Variants in HPCAL1 observed in about 807,000 individuals in gnomAD.
HPCAL1 encodes hippocalcin like 1.
HPCAL1 carries 8 observed loss-of-function variants against 17.1 expected under a neutral mutation model. The observed-to-expected ratio is 0.47, with a 90% CI of 0.27 to 0.84. HPCAL1 has a LOEUF of 0.84. Ranked by LOEUF, HPCAL1 falls within the 40% of genes least tolerant of loss-of-function variation. HPCAL1 has a pLI of 0.13. For missense variants in HPCAL1, 165 were observed against 271.1 expected (o/e 0.61, Z 2.75); for synonymous variants, 112 against 111.4 (o/e 1.01, Z -0.03).
At chr2:10,328,841 A>G (rs540589825) in intron 1 of HPCAL1, among the ~76,000 whole-genome samples, 1 of 152,196 alleles carries the variant, frequency 6.6e-6, no homozygotes, top group East Asian at 1.9e-4. Flanking sequence ...TTTGTTCGAC[A>G]TGTGGGGGGT....
At chr2:10,355,792 A>G (rs904173584) in intron 1 of HPCAL1, among the ~76,000 whole-genome samples, 1 of 151,772 alleles carries the variant, frequency 6.6e-6, no homozygotes, top group African/African-American at 2.4e-5. Context: ...TCCTAAATAG[A>G]TACAGAGTAG....
intron 1 of HPCAL1, among the ~76,000 whole-genome samples, chr2:10,312,563 C>T (rs1430577390): frequency 1.3e-5 from 2 of 151,256 alleles, no homozygotes; most frequent in Non-Finnish European, 2.9e-5. Flanking sequence ...TCACTGTCAT[C>T]CCCATCCTCA....
rs917380897 is a variant in HPCAL1 at position 10,427,145 on chromosome 2, C to G, written c.*324C>G. The stretch of plus-strand genomic sequence containing the variant: ...ATGCCGAGGAGACCAGGCAGGACCT[C>G]CCGAGGCTGCGCCCCGGCCGGCCCA... On this transcript the variant is annotated 3_prime_UTR_variant, in exon 5 of 5. Transcript: ENST00000307845. The G allele has an allele frequency of 3.4e-6, 1 of 296,162 alleles. No homozygotes were observed. Among genetic ancestry groups the G allele is most frequent in the East Asian group, 8.0e-5 (1 of 12,478 alleles). The allele number at this position is 296,162 out of a possible 1,614,324, so 18.3% of individuals were successfully genotyped here.
At chr2:10,311,616 G>A (rs185406813) in intron 1 of HPCAL1, among the ~76,000 whole-genome samples, 1 of 152,058 alleles carries the variant, frequency 6.6e-6, no homozygotes, top group African/African-American at 2.4e-5. Flanking sequence ...GGATGGGAGT[G>A]GGGGGAGAAG....
chr2:10,333,497 G>A (rs766356265), intron 1 of HPCAL1, among the ~76,000 whole-genome samples: 1 of 152,154 alleles, frequency 6.6e-6, no homozygotes, highest in African/African-American at 2.4e-5. Flanking sequence ...GCCTAAGCCA[G>A]CCTCCTGTGG....
At chr2:10,332,965 G>T (rs1241575024) in intron 1 of HPCAL1, among the ~76,000 whole-genome samples, 15 of 151,238 alleles carry the variant, frequency 9.9e-5, no homozygotes, top group Non-Finnish European at 1.0e-4. Context: ...TGATCTTGGG[G>T]TGAGGGGTGC....
chr2:10,426,418 C>T (rs1671410838), intron 4 of HPCAL1: 1 of 362,014 alleles, frequency 2.8e-6, no homozygotes, highest in Non-Finnish European at 5.3e-6. Context: ...GTACACGTTC[C>T]TTAATAAGCG....
intron 1 of HPCAL1, among the ~76,000 whole-genome samples, chr2:10,375,460 CA>C (rs1558497745): frequency 6.6e-6 from 1 of 152,038 alleles, no homozygotes; most frequent in South Asian, 2.1e-4. Flanking sequence ...GGAGGGGGGC[CA>C]GGGGGCATAG....
At chr2:10,357,043 G>A (rs1272347883) in intron 1 of HPCAL1, among the ~76,000 whole-genome samples, 2 of 152,118 alleles carry the variant, frequency 1.3e-5, no homozygotes, top group Non-Finnish European at 2.9e-5. Flanking sequence ...AGCCCAGGAG[G>A]TTGAGGCTGC....
At chr2:10,372,283 G>A (rs922618860) in intron 1 of HPCAL1, among the ~76,000 whole-genome samples, 2 of 141,156 alleles carry the variant, frequency 1.4e-5, no homozygotes, top group South Asian at 2.2e-4. Flanking sequence ...GAGGGTTGTC[G>A]GTGGGGGAAG....
At chr2:10,422,352 A>C (rs768449629) in intron 3 of HPCAL1, among the ~76,000 whole-genome samples, 10 of 152,202 alleles carry the variant, frequency 6.6e-5, no homozygotes, top group Non-Finnish European at 1.5e-4. Flanking sequence ...CACTCTGCTC[A>C]GTGGCCACTC....
intron 1 of HPCAL1, among the ~76,000 whole-genome samples, chr2:10,374,147 G>A: frequency 7.2e-6 from 1 of 138,402 alleles, no homozygotes; most frequent in South Asian, 2.1e-4. Context: ...CTTCCTTCAG[G>A]GCATCCTAAG....
chr2:10,415,335 C>T (rs1252822139), intron 2 of HPCAL1, among the ~76,000 whole-genome samples: 1 of 152,232 alleles, frequency 6.6e-6, no homozygotes, highest in African/African-American at 2.4e-5. Flanking sequence ...TCATTCCCTA[C>T]TCCACAGCTT....
chr2:10,340,161 G>A (rs977199463), intron 1 of HPCAL1, among the ~76,000 whole-genome samples: 1 of 152,182 alleles, frequency 6.6e-6, no homozygotes, highest in African/African-American at 2.4e-5. Flanking sequence ...ACAACAAAGC[G>A]GAAGGAAGAC....
chr2:10,324,988 A>ATTT (rs70948884), intron 1 of HPCAL1, among the ~76,000 whole-genome samples: 2 of 136,984 alleles, frequency 1.5e-5, no homozygotes, highest in African/African-American at 5.4e-5. Context: ...ACGCCCAGCA[A>ATTT]TTTTTTTTTT....
At chr2:10,351,886 T>G (rs1278373036) in intron 1 of HPCAL1, among the ~76,000 whole-genome samples, 2 of 150,324 alleles carry the variant, frequency 1.3e-5, no homozygotes, top group African/African-American at 4.9e-5. Context: ...TTGAGTTCCT[T>G]CCTTCCTTCC....
chr2:10,426,890 G>A lies in HPCAL1; in HGVS notation c.*69G>A. ...TGCCGTTTAAGCTTTGCTTGCAAGA[G>A]TGGATGCCCCGCAATCGTTCCTGCT... On this transcript the variant is annotated 3_prime_UTR_variant, in exon 5 of 5. Transcript: ENST00000307845. 7.1e-7 allele frequency: 1 copy of A among 1,402,284 alleles called. No individual in the cohort carries two copies. The highest frequency in any genetic ancestry group is 1.0e-6 in the Non-Finnish European group (1 of 991,214). The allele number at this position is 1,402,284 out of a possible 1,614,324, so 86.9% of individuals were successfully genotyped here. A position where few individuals can be genotyped will look rare whatever the true frequency, so the allele number is the denominator to read the frequency against.
At chr2:10,317,871 C>T (rs1249743375) in intron 1 of HPCAL1, among the ~76,000 whole-genome samples, 3 of 152,240 alleles carry the variant, frequency 2.0e-5, no homozygotes, top group Non-Finnish European at 4.4e-5. Context: ...TGGGCTCACC[C>T]GTTCCTGGCT....
At chr2:10,321,399 A>G (rs537239155) in intron 1 of HPCAL1, among the ~76,000 whole-genome samples, 1 of 152,250 alleles carries the variant, frequency 6.6e-6, no homozygotes, top group Non-Finnish European at 1.5e-5. Flanking sequence ...TCCAAGCCGT[A>G]TCAGTGAGAG....
Sources: allele counts gnomAD v4.1 joint callset (sites outside exome capture counted in the v4.1 genomes callset), GRCh38; gene constraint gnomAD v4.1.1; transcripts MANE v1.5; gene names NCBI Gene and HGNC (gene_info 2026-07-23, HGNC 2026-07-21).